The following ANO3 variants were observed in gnomAD, a reference collection of about 807,000 sequenced individuals.
The protein encoded by ANO3 is anoctamin 3, also known as anoctamin-3.
ANO3 carries 99 observed loss-of-function variants against 144.8 expected under a neutral mutation model. The ratio of observed to expected loss-of-function variants is 0.68; its 90% CI spans 0.58 to 0.81. The LOEUF (loss-of-function observed/expected upper bound fraction) is 0.81, where lower values mean the gene tolerates loss of function less well. ANO3 is among the 30% of genes least tolerant of loss of function. The probability of loss-of-function intolerance (pLI) is 0.00; values close to 1 mark genes in which losing one functional copy is unlikely to be tolerated. For synonymous variants in ANO3, 414 were observed against 392.6 expected (o/e 1.05, Z -0.64); for missense variants, 905 against 1,202.2 (o/e 0.75, Z 3.66).
chr11:26,334,773 T>C (rs1855150118), intron 1 of ANO3, among the ~76,000 whole-genome samples: 1 of 152,208 alleles, frequency 6.6e-6, no homozygotes, highest in Admixed American at 6.5e-5. Flanking sequence ...AAAAATCCAG[T>C]TGATGGAATT....
At chr11:26,631,535 G>A (rs944792586) in intron 18 of ANO3, among the ~76,000 whole-genome samples, 3 of 152,018 alleles carry the variant, frequency 2.0e-5, no homozygotes, top group African/African-American at 7.2e-5. Context: ...TCAATTATCT[G>A]TAAGAATAAT....
intron 1 of ANO3, among the ~76,000 whole-genome samples, chr11:26,363,651 C>A (rs1366102748): frequency 6.6e-6 from 1 of 152,054 alleles, no homozygotes; most frequent in African/African-American, 2.4e-5. Context: ...TCGGGGAGGA[C>A]ACAACTCAGT....
chr11:26,348,862 G>A (rs538303480), intron 1 of ANO3, among the ~76,000 whole-genome samples: 3 of 152,306 alleles, frequency 2.0e-5, no homozygotes, highest in South Asian at 2.1e-4. Context: ...GGACACTGAC[G>A]GGGTGTACAC....
At chr11:26,468,270 G>C (rs2134066422) in intron 4 of ANO3, among the ~76,000 whole-genome samples, 1 of 152,034 alleles carries the variant, frequency 6.6e-6, no homozygotes, top group African/African-American at 2.4e-5. Flanking sequence ...TATTTCACGG[G>C]TCCACCACTG....
chr11:26,651,625 T>C (rs1044132522), intron 24 of ANO3, among the ~76,000 whole-genome samples: 1 of 152,138 alleles, frequency 6.6e-6, no homozygotes, highest in African/African-American at 2.4e-5. Flanking sequence ...ATAAATTATT[T>C]TTGTTTTTAA....
At chr11:26,567,076 T>C (rs368209928) in intron 14 of ANO3, 5 of 1,504,472 alleles carry the variant, frequency 3.3e-6, no homozygotes, top group Non-Finnish European at 4.5e-6. Context: ...GTGGCAAGAA[T>C]AGATTGTATT....
At chr11:26,438,913 T>C (rs1858408679) in intron 1 of ANO3, among the ~76,000 whole-genome samples, 1 of 152,138 alleles carries the variant, frequency 6.6e-6, no homozygotes, top group Admixed American at 6.5e-5. Context: ...AGTAAAGAAC[T>C]CAGATTTTCT....
chr11:26,603,077 A>T (rs1851844142), intron 17 of ANO3, among the ~76,000 whole-genome samples: 1 of 152,208 alleles, frequency 6.6e-6, no homozygotes, highest in Non-Finnish European at 1.5e-5. Flanking sequence ...AAATAAAAAG[A>T]TAATTACCTG....
At chr11:26,476,498 C>T (rs1279655850) in intron 4 of ANO3, among the ~76,000 whole-genome samples, 2 of 151,980 alleles carry the variant, frequency 1.3e-5, no homozygotes, top group East Asian at 1.9e-4. Flanking sequence ...AGAAACTGAG[C>T]ACAAGGATGG....
intron 1 of ANO3, among the ~76,000 whole-genome samples, chr11:26,378,723 A>C (rs1856487740): frequency 6.6e-6 from 1 of 152,094 alleles, no homozygotes; most frequent in South Asian, 2.1e-4. Context: ...GTAAAGGCTG[A>C]TGATATGAGT....
At chr11:26,651,117 T>C (rs1326803880) in intron 24 of ANO3, among the ~76,000 whole-genome samples, 1 of 152,172 alleles carries the variant, frequency 6.6e-6, no homozygotes, top group Non-Finnish European at 1.5e-5. Flanking sequence ...TCATGATCTA[T>C]AGTAAAAAAT....
At chr11:26,545,296 T>G (rs1849758266) in intron 11 of ANO3, among the ~76,000 whole-genome samples, 1 of 152,082 alleles carries the variant, frequency 6.6e-6, no homozygotes, top group African/African-American at 2.4e-5. Flanking sequence ...TATTGTCTCA[T>G]GCTGAATAAA....
chr11:26,482,426 ATGTGTG>A (rs58664691), intron 4 of ANO3, among the ~76,000 whole-genome samples: 25,130 of 140,886 alleles, frequency 0.18, 2,361 homozygotes, highest in East Asian at 0.39. Context: ...ACACAGATAT[ATGTGTG>A]TGTGTGTGTG....
rs1311816977 is a variant in ANO3, at chr11:26,593,732, A to G, written c.1448-4633A>G. 2.0e-5 allele frequency among the ~76,000 whole-genome samples: 3 copies of G among 152,110 alleles called. No homozygotes were observed. The East Asian group carries it at 5.8e-4, about 29-fold the overall frequency. ...TATTTCTATTTGGACAATCTTTTTT[A>G]AAGTGTCCGTGTAGGCCGCAGTGGA... On this transcript the variant is annotated intron_variant, in intron 14 of 26. Transcript: ENST00000256737.
intron 17 of ANO3, among the ~76,000 whole-genome samples, chr11:26,624,036 T>G (rs991483593): frequency 6.6e-6 from 1 of 152,194 alleles, no homozygotes; most frequent in Non-Finnish European, 1.5e-5. Context: ...TCCGCCCGCC[T>G]AGGCCTCCCA....
chr11:26,335,817 A>G (rs4922755), intron 1 of ANO3, among the ~76,000 whole-genome samples: 12,404 of 151,980 alleles, frequency 0.082, 600 homozygotes, highest in Non-Finnish European at 0.11. Flanking sequence ...ATTGCAGACA[A>G]CTCTGCACTT....
At chr11:26,446,288 A>G (rs72886276) in intron 3 of ANO3, among the ~76,000 whole-genome samples, 8,164 of 152,306 alleles carry the variant, frequency 0.054, 275 homozygotes, top group African/African-American at 0.085. Context: ...TTTTAAATAC[A>G]AAGCAGTTAC....
At chr11:26,450,122 C>T (rs1018867593) in intron 3 of ANO3, among the ~76,000 whole-genome samples, 4 of 152,124 alleles carry the variant, frequency 2.6e-5, no homozygotes, top group African/African-American at 9.7e-5. Context: ...TTAGATGCTA[C>T]TTCCTTTCTA....
chr11:26,397,049 G>C (rs1368713188), intron 1 of ANO3, among the ~76,000 whole-genome samples: 1 of 143,192 alleles, frequency 7.0e-6, no homozygotes, highest in African/African-American at 2.5e-5. Context: ...GCAGCCAGAA[G>C]GCTGTGAAAC....
Sources: allele counts gnomAD v4.1 joint callset (sites outside exome capture counted in the v4.1 genomes callset), GRCh38; gene constraint gnomAD v4.1.1; transcripts MANE v1.5; gene names NCBI Gene and HGNC (gene_info 2026-07-23, HGNC 2026-07-21).